Variants in IGSF23 observed in about 807,000 individuals in gnomAD.
IGSF23 encodes immunoglobulin superfamily member 23.
A neutral mutation model predicts 17.8 loss-of-function variants in IGSF23; 14 were observed. The observed-to-expected ratio is 0.79, with a 90% CI of 0.52 to 1.23. The LOEUF (loss-of-function observed/expected upper bound fraction) is 1.23, where lower values mean the gene tolerates loss of function less well. Ranked by LOEUF, IGSF23 falls within the 50% of genes most tolerant of loss-of-function variation. The pLI, the probability that IGSF23 is intolerant of heterozygous loss-of-function variation, is 0.00. For synonymous variants in IGSF23, 85 were observed against 92.5 expected (o/e 0.92, Z 0.46); for missense variants, 214 against 241.7 (o/e 0.89, Z 0.76).
At chr19:44,629,658 G>A (rs762707304) in intron 3 of IGSF23, among the ~76,000 whole-genome samples, 10 of 118,346 alleles carry the variant, frequency 8.4e-5, no homozygotes, top group African/African-American at 1.6e-4. Flanking sequence ...TTTTTGAGAC[G>A]GGGTCTCACT....
chr19:44,628,877 G>T (rs2123724530), intron 3 of IGSF23, among the ~76,000 whole-genome samples: 1 of 152,292 alleles, frequency 6.6e-6, no homozygotes, highest in East Asian at 1.9e-4. Flanking sequence ...GTCAGGGAAG[G>T]CCTCCCTGGG....
At chr19:44,614,496 G>A (rs891497015) in intron 1 of IGSF23, among the ~76,000 whole-genome samples, 2 of 152,062 alleles carry the variant, frequency 1.3e-5, no homozygotes, top group African/African-American at 4.8e-5. Context: ...GCAGTGGCCC[G>A]ATAATGACTC....
At chr19:44,616,066 C>T (rs1972368148) in intron 1 of IGSF23, among the ~76,000 whole-genome samples, 1 of 152,186 alleles carries the variant, frequency 6.6e-6, no homozygotes, top group Non-Finnish European at 1.5e-5. Flanking sequence ...CGAACTTCAA[C>T]TCTGTAAATA....
At chr19:44,626,448 A>C (rs1406819321) in intron 2 of IGSF23, among the ~76,000 whole-genome samples, 3 of 152,220 alleles carry the variant, frequency 2.0e-5, no homozygotes, top group African/African-American at 4.8e-5. Flanking sequence ...TGACCAAGAC[A>C]GCTGCAGCCC....
In IGSF23 at chr19:44,613,740, C is replaced by A. The variant is rs918738344; in HGVS notation, c.95C>A (p.Ala32Glu). 8.4e-6 allele frequency: 13 copies of A among 1,550,516 alleles called. No homozygotes were observed. In the African/African-American group the frequency reaches 1.5e-4, roughly 18 times the overall value. ...TTTDPMLEKD[A>E]AGGDFPANLV... ...ACTGACCCGATGCTAGAGAAGGATG[C>A]GGCTGGAGGTGACTTCCCAGCCAAC... The change falls in exon 1 of 5, where the codon GCG becomes GAG. Residue 32 changes from alanine (A) to glutamate (E), a missense_variant. Ala to Glu is a moderately radical substitution (Grantham distance 107). Transcript: ENST00000402988.
chr19:44,615,065 G>A (rs968274906), intron 1 of IGSF23, among the ~76,000 whole-genome samples: 19 of 152,100 alleles, frequency 1.2e-4, no homozygotes, highest in South Asian at 4.2e-4. Flanking sequence ...CGAGGCAGGC[G>A]GATCACGAGG....
rs1287595259 is a variant in IGSF23, at chr19:44,636,738, T to C, written c.*351T>C. On this transcript the variant is annotated 3_prime_UTR_variant, in exon 5 of 5. Coordinates refer to ENST00000402988, the MANE Select transcript of IGSF23 (RefSeq NM_001205280.2). ...TCTTTTACACATGCTGCTTTTTTTT[T>C]CTCTTTTTCAAAAAGAACCAAAAAA... 4 of 152,148 alleles carry C rather than the reference T, an allele frequency of 2.6e-5. No individual in the cohort carries two copies. The highest frequency in any genetic ancestry group is 6.5e-5 in the Admixed American group (1 of 15,272). 9.4% of individuals were successfully genotyped at this position (152,148 alleles called of 1,614,324 possible).
intron 1 of IGSF23, among the ~76,000 whole-genome samples, chr19:44,615,695 C>T (rs1212372410): frequency 2.0e-5 from 3 of 151,440 alleles, no homozygotes; most frequent in Non-Finnish European, 2.9e-5. Context: ...CAAAGCTTTG[C>T]TCTGTCCCCA....
At chr19:44,620,088 G>T (rs1316040416) in intron 1 of IGSF23, among the ~76,000 whole-genome samples, 1 of 152,046 alleles carries the variant, frequency 6.6e-6, no homozygotes, top group East Asian at 1.9e-4. Flanking sequence ...GACCAACATG[G>T]TGAAACCCCG....
At chr19:44,635,336 C>A in intron 3 of IGSF23, 65 bp from the exon 4 acceptor site, 1 of 1,261,344 alleles carries the variant, frequency 7.9e-7, no homozygotes, top group Non-Finnish European at 1.1e-6. Flanking sequence ...ATAATTCAGT[C>A]GATGATTCTT....
At chr19:44,620,731 G>C (rs1325052382) in intron 1 of IGSF23, 1 of 152,156 alleles carries the variant, frequency 6.6e-6, no homozygotes, top group Non-Finnish European at 1.5e-5. Context: ...AGTCCGAAGG[G>C]CCCTTTCTAA....
chr19:44,622,974 C>T (rs1404968198), intron 1 of IGSF23, among the ~76,000 whole-genome samples: 1 of 152,176 alleles, frequency 6.6e-6, no homozygotes, highest in East Asian at 1.9e-4. Context: ...CCCAGTCCAA[C>T]CCCACAGCCC....
At chr19:44,632,924 T>C (rs1007528321) in intron 3 of IGSF23, among the ~76,000 whole-genome samples, 1 of 152,366 alleles carries the variant, frequency 6.6e-6, no homozygotes, top group African/African-American at 2.4e-5. Flanking sequence ...ATTAACTGTG[T>C]GGAATGAACC....
In IGSF23 at chr19:44,623,928, G is replaced by A; in HGVS notation, c.347G>A (p.Ser116Asn). 1 of 1,550,746 alleles carries A rather than the reference G, an allele frequency of 6.4e-7. No individual in the cohort carries two copies. Among genetic ancestry groups the A allele is most frequent in the Admixed American group, 2.0e-5 (1 of 50,988 alleles). ...LGTYMCIATN[S>N]KKQLVSEPVT... The stretch of plus-strand genomic sequence containing the variant: ...ACCTACATGTGCATAGCCACAAACA[G>A]CAAGAAACAGCTGGTCTCTGAGCCT... The change falls in exon 2 of 5, where the codon AGC becomes AAC. Residue 116 changes from serine (S) to asparagine (N), a missense_variant. Ser to Asn is a conservative substitution (Grantham distance 46, BLOSUM62 1). Coordinates refer to ENST00000402988, the MANE Select transcript of IGSF23 (RefSeq NM_001205280.2).
At chr19:44,615,111 A>C (rs1239767601) in intron 1 of IGSF23, among the ~76,000 whole-genome samples, 1 of 150,982 alleles carries the variant, frequency 6.6e-6, no homozygotes, top group Non-Finnish European at 1.5e-5. Context: ...AACACGGTGA[A>C]ACCCCGTCTC....
chr19:44,633,294 C>T (rs1021052238), intron 3 of IGSF23, among the ~76,000 whole-genome samples: 7 of 152,256 alleles, frequency 4.6e-5, no homozygotes, highest in Non-Finnish European at 7.3e-5. Flanking sequence ...GTTCTGGAAG[C>T]TTAACAATGG....
chr19:44,629,509 C>T (rs759536153), intron 3 of IGSF23, among the ~76,000 whole-genome samples: 35 of 151,708 alleles, frequency 2.3e-4, no homozygotes, highest in Admixed American at 1.1e-3. Flanking sequence ...CTGCAGCGAG[C>T]GATGATCGTG....
chr19:44,615,694 G>T (rs540923426), intron 1 of IGSF23, among the ~76,000 whole-genome samples: 18 of 151,318 alleles, frequency 1.2e-4, no homozygotes, highest in Admixed American at 1.0e-3. Context: ...TCAAAGCTTT[G>T]CTCTGTCCCC....
At chr19:44,613,795 G>A in intron 1 of IGSF23, 25 bp downstream of exon 1, 1 of 1,550,004 alleles carries the variant, frequency 6.5e-7, no homozygotes, top group Non-Finnish European at 8.7e-7. Flanking sequence ...GAAGTGGCCA[G>A]GGTAGGGCAT....
Sources: allele counts gnomAD v4.1 joint callset (sites outside exome capture counted in the v4.1 genomes callset), GRCh38; gene constraint gnomAD v4.1.1; transcripts MANE v1.5; gene names NCBI Gene and HGNC (gene_info 2026-07-23, HGNC 2026-07-21).